AKNA: variants seen among roughly 807,000 people sequenced by gnomAD.
AKNA encodes the protein microtubule organization protein AKNA.
AKNA carries 67 observed loss-of-function variants against 138.8 expected under a neutral mutation model. That is an observed-to-expected ratio of 0.48 (90% CI 0.40 to 0.59). AKNA has a LOEUF of 0.59. Among genes scored for constraint, AKNA ranks in the 20% least tolerant of loss-of-function variants. The pLI is 0.00. For missense variants in AKNA, 1,813 were observed against 1,880.4 expected, an observed-to-expected ratio of 0.96 and a Z score of 0.66; for synonymous variants, 737 against 754.4, an observed-to-expected ratio of 0.98 and a Z score of 0.38.
chr9:114,369,855 T>C (rs1171351239), intron 4 of AKNA, among the ~76,000 whole-genome samples: 1 of 152,084 alleles, frequency 6.6e-6, no homozygotes, highest in Non-Finnish European at 1.5e-5. Context: ...ACCACCATCA[T>C]CACCATTTTT....
At chr9:114,392,565 C>T (rs1028162910), upstream of AKNA, among the ~76,000 whole-genome samples, 1 of 152,252 alleles carries the variant, frequency 6.6e-6, no homozygotes, top group African/African-American at 2.4e-5. Flanking sequence ...ACGGATGAGA[C>T]TATGTGCCAA....
chr9:114,372,097 G>A (rs577010639), intron 4 of AKNA, among the ~76,000 whole-genome samples: 1 of 152,168 alleles, frequency 6.6e-6, no homozygotes, highest in African/African-American at 2.4e-5. Context: ...GATGGGGTTG[G>A]GCAGGAGATG....
chr9:114,360,057 A>G lies in AKNA; in HGVS notation c.2130T>C (p.Ala710=). Residue 710 remains alanine, a synonymous_variant, in exon 10 of 22, where the codon GCT becomes GCC. Transcript: ENST00000374088. The part of the protein sequence containing the change: ...PAIKTSCPEP[A]TTTAAASTGP... ...CAGTGCTGGCGGCGGCAGTGGTGGT[A>G]GCAGGCTGGGGTCAGAAAGATGGAC... is the stretch of plus-strand genomic sequence containing the variant. The G allele has an allele frequency of 6.2e-7, 1 of 1,614,160 alleles. No homozygotes were observed. The highest frequency in any genetic ancestry group is 1.1e-5 in the South Asian group (1 of 91,086).
upstream of AKNA, among the ~76,000 whole-genome samples, chr9:114,395,999 C>T (rs35540424): frequency 8.5e-4 from 129 of 152,264 alleles, no homozygotes; most frequent in Non-Finnish European, 1.6e-3. Flanking sequence ...CTCTCTGAAC[C>T]TCAGGCTTTC....
intron 1 of AKNA, among the ~76,000 whole-genome samples, chr9:114,386,977 G>A (rs889521357): frequency 1.2e-4 from 18 of 151,910 alleles, no homozygotes; most frequent in Admixed American, 5.2e-4. Context: ...CCCACACCCT[G>A]ACACCTCCCA....
intron 15 of AKNA, among the ~76,000 whole-genome samples, chr9:114,350,513 C>T (rs1004804568): frequency 6.6e-6 from 1 of 152,190 alleles, no homozygotes; most frequent in Admixed American, 6.5e-5. Flanking sequence ...GCAGTAGCTT[C>T]TTGGTCCATA....
At chr9:114,380,582 A>G (rs1453717153) in intron 2 of AKNA, among the ~76,000 whole-genome samples, 1 of 152,210 alleles carries the variant, frequency 6.6e-6, no homozygotes, top group Non-Finnish European at 1.5e-5. Flanking sequence ...TTGTTCTGCA[A>G]TGAATGGTAT....
rs987819825 is a variant in AKNA, at chr9:114,387,823, G to A, written c.-114+37C>T. ...TGTGACTGGCCCGTCCAGAAGGAAA[G>A]CGGCCTCCCGGGCCCTCCTCCGTTC... On this transcript the variant is annotated intron_variant, in intron 1 of 21. Transcript: ENST00000374088. The A allele has an allele frequency of 9.4e-6, 4 of 426,952 alleles. 1 individual carries two copies. The highest frequency in any genetic ancestry group is 4.9e-5 in the Admixed American group (2 of 40,694). 26.4% of individuals were successfully genotyped at this position (426,952 alleles called of 1,614,324 possible). A position where few individuals can be genotyped will look rare whatever the true frequency, so the allele number is the denominator to read the frequency against.
chr9:114,376,011 CCCACCCCA>C (rs1392645172), intron 3 of AKNA: 2 of 451,816 alleles, frequency 4.4e-6, no homozygotes, highest in Non-Finnish European at 8.9e-6. Context: ...CCCAGGCCTC[CCCACCCCA>C]CCAGCCTCTA....
At chr9:114,356,173 C>T (rs765042235) in intron 13 of AKNA, 37 bp from the exon 14 acceptor site, 27 of 1,585,380 alleles carry the variant, frequency 1.7e-5, no homozygotes, top group Non-Finnish European at 2.3e-5. Context: ...ACAGGGGTCA[C>T]ACAGAGTGAG....
intron 2 of AKNA, among the ~76,000 whole-genome samples, chr9:114,379,442 C>G (rs959752132): frequency 6.6e-6 from 1 of 152,194 alleles, no homozygotes; most frequent in Non-Finnish European, 1.5e-5. Flanking sequence ...TCTGCCCTGT[C>G]GACCCAGTGC....
chr9:114,381,655 G>GTT (rs1160552279), intron 1 of AKNA, among the ~76,000 whole-genome samples: 16,136 of 82,830 alleles, frequency 0.19, 3,090 homozygotes, highest in Middle Eastern at 0.26. Context: ...TCTCTCCAGG[G>GTT]TTTTTTTTTT....
chr9:114,382,348 T>A (rs148747355), intron 1 of AKNA, among the ~76,000 whole-genome samples: 154 of 152,186 alleles, frequency 1.0e-3, no homozygotes, highest in African/African-American at 3.6e-3. Context: ...CCCAGCACTT[T>A]GGGAGGCTGA....
At chr9:114,397,140 G>A (rs555547317), upstream of AKNA, among the ~76,000 whole-genome samples, 1 of 152,196 alleles carries the variant, frequency 6.6e-6, no homozygotes, top group African/African-American at 2.4e-5. Flanking sequence ...AAGGCCCCAC[G>A]TGGACATCGC....
At chr9:114,357,895 G>A (rs1564631347) in intron 12 of AKNA, 26 bp downstream of exon 12, 2 of 1,593,356 alleles carry the variant, frequency 1.3e-6, no homozygotes, top group East Asian at 2.2e-5. Flanking sequence ...GAGGTTCTGG[G>A]CCCATTCCCC....
At chr9:114,395,867 C>CA (rs1834517536), upstream of AKNA, among the ~76,000 whole-genome samples, 1 of 151,878 alleles carries the variant, frequency 6.6e-6, no homozygotes, top group Non-Finnish European at 1.5e-5. Flanking sequence ...CTGAATGCTG[C>CA]ACTGGGAAGA....
intron 6 of AKNA, among the ~76,000 whole-genome samples, chr9:114,367,105 C>G (rs2787352): frequency 0.52 from 79,539 of 151,932 alleles, 20,808 homozygotes; most frequent in Middle Eastern, 0.62. Context: ...TGGACTGTTT[C>G]ATGAAGATAC....
At chr9:114,348,347 C>CT (rs1389409912) in intron 15 of AKNA, among the ~76,000 whole-genome samples, 4 of 152,234 alleles carry the variant, frequency 2.6e-5, no homozygotes, top group Non-Finnish European at 5.9e-5. Context: ...TGTCCACCAT[C>CT]TCCCCACACA....
At chr9:114,368,704 T>G in intron 4 of AKNA, 109 bp from the exon 5 acceptor site, 1 of 984,104 alleles carries the variant, frequency 1.0e-6, no homozygotes, top group Non-Finnish European at 1.3e-6. Flanking sequence ...TAGTAATAAA[T>G]ACCATCTTTC....
Sources: allele counts gnomAD v4.1 joint callset (sites outside exome capture counted in the v4.1 genomes callset), GRCh38; gene constraint gnomAD v4.1.1; transcripts MANE v1.5; gene names NCBI Gene and HGNC (gene_info 2026-07-23, HGNC 2026-07-21).